Variants in KCNIP1 observed in about 807,000 individuals in gnomAD.
KCNIP1 encodes the protein A-type potassium channel modulatory protein KCNIP1.
In KCNIP1, 18 loss-of-function variants were observed where a neutral mutation model predicts 33.0. The ratio of observed to expected loss-of-function variants is 0.55; its 90% CI spans 0.38 to 0.81. KCNIP1 has a LOEUF of 0.81. KCNIP1 is among the 30% of genes least tolerant of loss of function. The pLI is 0.00. For missense variants in KCNIP1, 238 were observed against 271.6 expected (o/e 0.88, Z 0.87); for synonymous variants, 93 against 98.3 (o/e 0.95, Z 0.32).
At chr5:170,526,287 A>G (rs1029877612) in intron 1 of KCNIP1, among the ~76,000 whole-genome samples, 4 of 152,202 alleles carry the variant, frequency 2.6e-5, no homozygotes, top group African/African-American at 9.7e-5. Context: ...TACACACTCA[A>G]TAATGCCAGC....
intron 3 of KCNIP1, 65 bp downstream of exon 3, chr5:170,720,455 C>A: frequency 1.6e-6 from 2 of 1,242,932 alleles, no homozygotes; most frequent in Non-Finnish European, 2.4e-6. Context: ...TCCCTTCCTC[C>A]AAGTCCTCTC....
chr5:170,718,640 C>A, intron 1 of KCNIP1, 118 bp from the exon 2 acceptor site: 1 of 1,228,684 alleles, frequency 8.1e-7, no homozygotes, highest in Non-Finnish European at 1.1e-6. Context: ...GCAGTGTGAC[C>A]CCAGCCCACA....
At chr5:170,733,075 G>C (rs1764259145) in intron 6 of KCNIP1, among the ~76,000 whole-genome samples, 171 bp downstream of exon 6, 1 of 152,208 alleles carries the variant, frequency 6.6e-6, no homozygotes, top group Admixed American at 6.5e-5. Context: ...TAAGCTGCAA[G>C]TGTACATGAC....
intron 1 of KCNIP1, among the ~76,000 whole-genome samples, chr5:170,663,210 A>C (rs941559384): frequency 6.6e-6 from 1 of 152,186 alleles, no homozygotes; most frequent in Non-Finnish European, 1.5e-5. Flanking sequence ...TGACTTGTCC[A>C]TGGTCACACA....
At chr5:170,693,828 G>T (rs1023632741) in intron 1 of KCNIP1, among the ~76,000 whole-genome samples, 2 of 152,266 alleles carry the variant, frequency 1.3e-5, no homozygotes, top group Admixed American at 1.3e-4. Context: ...AGTGGAGGGG[G>T]TCTGAGGAAG....
chr5:170,558,570 C>T lies in KCNIP1; in HGVS notation c.61+53937C>T, dbSNP rs566714850. ...TCATGGAAGCGCTCTCACAGTGACC[C>T]TACTGGGCTCTCTGGAAGCTGCATC... On this transcript the variant is annotated intron_variant, in intron 1 of 7. Transcript: ENST00000328939. 8.5e-5 allele frequency among the ~76,000 whole-genome samples: 13 copies of T among 152,300 alleles called. No individual in the cohort carries two copies. The South Asian group carries it at 2.7e-3, about 32-fold the overall frequency.
At chr5:170,426,650 C>T (rs1455863575) in intron 1 of KCNIP1, among the ~76,000 whole-genome samples, 1 of 152,260 alleles carries the variant, frequency 6.6e-6, no homozygotes. Context: ...TAACACAGTG[C>T]CTGAGCTTGC....
rs559970277 is a variant in KCNIP1 at position 170,621,634 on chromosome 5, A to C, written c.62-97124A>C. On this transcript the variant is annotated intron_variant, in intron 1 of 7. Transcript: ENST00000328939. ...CAAGTGACTCCCACTTCAGCCTCCC[A>C]AGTAGCTAGAGCCACAGGCACATGC... Among the ~76,000 whole-genome samples the C allele has an allele frequency of 9.8e-5, 15 of 152,310 alleles. No homozygotes were observed. In the South Asian group the frequency reaches 2.9e-3, roughly 29 times the overall value.
At chr5:170,597,144 G>A (rs1758466641) in intron 1 of KCNIP1, among the ~76,000 whole-genome samples, 1 of 152,214 alleles carries the variant, frequency 6.6e-6, no homozygotes, top group Admixed American at 6.5e-5. Flanking sequence ...CCTCTGTTAG[G>A]ACTTGGTCCA....
chr5:170,457,128 C>T (rs1278354396), intron 1 of KCNIP1, among the ~76,000 whole-genome samples: 2 of 152,062 alleles, frequency 1.3e-5, no homozygotes, highest in African/African-American at 2.4e-5. Context: ...CTCATAGATA[C>T]AAAAAGTATA....
intron 1 of KCNIP1, among the ~76,000 whole-genome samples, chr5:170,433,674 A>G (rs1755794463): frequency 6.6e-6 from 1 of 152,254 alleles, no homozygotes; most frequent in South Asian, 2.1e-4. Context: ...TGCCTCCTCC[A>G]GATCATTTGG....
intron 1 of KCNIP1, among the ~76,000 whole-genome samples, chr5:170,382,444 C>T (rs868333968): frequency 5.3e-5 from 8 of 152,130 alleles, no homozygotes; most frequent in Admixed American, 5.2e-4. Context: ...CCTCTGGGAA[C>T]AGACCTTAGT....
At chr5:170,433,469 G>A (rs1755790140) in intron 1 of KCNIP1, among the ~76,000 whole-genome samples, 1 of 152,230 alleles carries the variant, frequency 6.6e-6, no homozygotes, top group South Asian at 2.1e-4. Context: ...TTATAGGCAT[G>A]AGCCACTGTA....
intron 1 of KCNIP1, among the ~76,000 whole-genome samples, chr5:170,537,783 C>T (rs1411869719): frequency 2.0e-5 from 3 of 152,216 alleles, no homozygotes; most frequent in Admixed American, 2.0e-4. Flanking sequence ...GTGCTGAGGG[C>T]ACCCACTGCT....
chr5:170,471,970 T>A (rs1231482161), intron 1 of KCNIP1, among the ~76,000 whole-genome samples: 1 of 152,204 alleles, frequency 6.6e-6, no homozygotes, highest in Non-Finnish European at 1.5e-5. Flanking sequence ...ATGAAGGCTA[T>A]GGGGTGGAAG....
chr5:170,575,866 C>CT (rs910360938), intron 1 of KCNIP1, among the ~76,000 whole-genome samples: 1 of 152,126 alleles, frequency 6.6e-6, no homozygotes, highest in South Asian at 2.1e-4. Flanking sequence ...AGGTGGAAAA[C>CT]TTTTTTTTCG....
intron 1 of KCNIP1, among the ~76,000 whole-genome samples, chr5:170,471,454 C>T (rs1756725061): frequency 6.6e-6 from 1 of 152,178 alleles, no homozygotes; most frequent in Admixed American, 6.5e-5. Flanking sequence ...CATCCACTTC[C>T]CTTCAAGGGC....
intron 1 of KCNIP1, among the ~76,000 whole-genome samples, chr5:170,568,561 C>T (rs562478773): frequency 7.0e-6 from 1 of 142,396 alleles, no homozygotes; most frequent in Admixed American, 7.7e-5. Flanking sequence ...ACCTGTAATC[C>T]CAGCACTTTG....
rs148464568 is a variant in KCNIP1 at position 170,577,541 on chromosome 5, G to A, written c.61+72908G>A. Among the ~76,000 whole-genome samples the A allele has an allele frequency of 2.6e-3, 397 of 152,208 alleles. 1 individual carries two copies. The highest frequency in any genetic ancestry group is 7.8e-3 in the African/African-American group (324 of 41,526). On this transcript the variant is annotated intron_variant, in intron 1 of 7. Transcript: ENST00000328939. ...CTAACTGAATCTTTTAATATGGACC[G>A]TCTCACTTGTTAATTCTGACTCAGG...
Sources: allele counts gnomAD v4.1 joint callset (sites outside exome capture counted in the v4.1 genomes callset), GRCh38; gene constraint gnomAD v4.1.1; transcripts MANE v1.5; gene names NCBI Gene and HGNC (gene_info 2026-07-23, HGNC 2026-07-21).